Variants in TTC39C observed in about 807,000 individuals in gnomAD.
TTC39C encodes the protein tetratricopeptide repeat protein 39C.
TTC39C carries 33 observed loss-of-function variants against 76.3 expected under a neutral mutation model. That is an observed-to-expected ratio of 0.43 (90% CI 0.33 to 0.58). The LOEUF (loss-of-function observed/expected upper bound fraction) is 0.58. Ranked by LOEUF, TTC39C falls within the 20% of genes least tolerant of loss-of-function variation. The pLI, the probability that TTC39C is intolerant of heterozygous loss-of-function variation, is 0.04. For synonymous variants in TTC39C, 254 were observed against 260.6 expected, an observed-to-expected ratio of 0.97 and a Z score of 0.24; for missense variants, 595 against 701.4, an observed-to-expected ratio of 0.85 and a Z score of 1.71.
intron 6 of TTC39C, among the ~76,000 whole-genome samples, chr18:24,089,232 G>T (rs561963478): frequency 1.3e-5 from 2 of 152,304 alleles, no homozygotes; most frequent in Non-Finnish European, 2.9e-5. Context: ...GAGCTGTTTG[G>T]TGGCTGTGTT....
At chr18:24,053,480 T>G (rs1446328534) in intron 1 of TTC39C, among the ~76,000 whole-genome samples, 1 of 152,230 alleles carries the variant, frequency 6.6e-6, no homozygotes, top group Admixed American at 6.5e-5. Context: ...GAACAGATAT[T>G]CCTTTCTCTG....
intron 6 of TTC39C, among the ~76,000 whole-genome samples, chr18:24,108,113 G>C (rs2084770287): frequency 6.6e-6 from 1 of 152,192 alleles, no homozygotes; most frequent in Non-Finnish European, 1.5e-5. Context: ...TAGAATTAGG[G>C]AACAAGGGAC....
In TTC39C at chr18:24,015,933, G is replaced by A. The variant is rs555528715; in HGVS notation, c.167+895G>A. 2.0e-5 allele frequency among the ~76,000 whole-genome samples: 3 copies of A among 152,272 alleles called. No homozygotes were observed. The East Asian group carries it at 5.8e-4, about 29-fold the overall frequency. On this transcript the variant is annotated intron_variant, in intron 1 of 13. Transcript: ENST00000317571. ...TGTGATTTGCCGTCTGATTGTTGAC[G>A]AGCCTTAAGGACGTTGATTAGCAGC...
intron 9 of TTC39C, among the ~76,000 whole-genome samples, 164 bp from the exon 10 acceptor site, chr18:24,125,263 T>A (rs564624394): frequency 6.4e-4 from 98 of 152,352 alleles, no homozygotes; most frequent in African/African-American, 2.3e-3. Context: ...TGTCAAAAAT[T>A]GAAAGCAACA....
At chr18:24,005,017 A>G (rs890624886) in intron 1 of TTC39C, among the ~76,000 whole-genome samples, 4 of 152,232 alleles carry the variant, frequency 2.6e-5, no homozygotes, top group Non-Finnish European at 5.9e-5. Context: ...CCTTCTAACT[A>G]AGGAATGGTA....
At chr18:23,999,641 C>A (rs1431650809) in intron 1 of TTC39C, among the ~76,000 whole-genome samples, 1 of 152,246 alleles carries the variant, frequency 6.6e-6, no homozygotes, top group Admixed American at 6.5e-5. Flanking sequence ...ATGCCTACGG[C>A]TCCCATAAGG....
At chr18:24,044,230 G>A (rs1216627022) in intron 1 of TTC39C, among the ~76,000 whole-genome samples, 2 of 152,164 alleles carry the variant, frequency 1.3e-5, no homozygotes, top group Non-Finnish European at 2.9e-5. Flanking sequence ...TCGGGAGTCT[G>A]AAGAGGAGAG....
chr18:24,113,795 G>T, intron 6 of TTC39C: 1 of 665,244 alleles, frequency 1.5e-6, no homozygotes, highest in Non-Finnish European at 2.7e-6. Context: ...CATCTTCAGC[G>T]GCGGGAAAAC....
intron 8 of TTC39C, among the ~76,000 whole-genome samples, chr18:24,119,063 A>C (rs2084933631): frequency 6.6e-6 from 1 of 152,186 alleles, no homozygotes; most frequent in Admixed American, 6.5e-5. Context: ...TTTACAGTAT[A>C]ATATTTTAGA....
At chr18:24,030,268 C>T (rs9944693) in intron 1 of TTC39C, among the ~76,000 whole-genome samples, 94 of 152,052 alleles carry the variant, frequency 6.2e-4, no homozygotes, top group African/African-American at 2.1e-3. Context: ...ATTTGTATGA[C>T]GTAAGATAGA....
At chr18:24,044,670 A>G (rs1281217457) in intron 1 of TTC39C, among the ~76,000 whole-genome samples, 3 of 152,222 alleles carry the variant, frequency 2.0e-5, no homozygotes, top group Non-Finnish European at 4.4e-5. Context: ...AAGAGGGGCC[A>G]TCCACTGGAA....
intron 6 of TTC39C, among the ~76,000 whole-genome samples, chr18:24,098,726 G>C (rs997257017): frequency 6.6e-6 from 1 of 151,324 alleles, no homozygotes; most frequent in Non-Finnish European, 1.5e-5. Context: ...TCTGCCTCCC[G>C]GTTCAAGCAA....
intron 10 of TTC39C, among the ~76,000 whole-genome samples, chr18:24,128,485 A>G (rs763388874): frequency 1.3e-5 from 2 of 151,612 alleles, no homozygotes; most frequent in East Asian, 3.9e-4. Flanking sequence ...CAGTATCTTT[A>G]TTAGTCTTTG....
At chr18:24,051,781 T>C (rs2083952894) in intron 1 of TTC39C, among the ~76,000 whole-genome samples, 1 of 152,242 alleles carries the variant, frequency 6.6e-6, no homozygotes, top group South Asian at 2.1e-4. Context: ...GTTCAGGTGA[T>C]GAAGGTCTTC....
chr18:24,045,158 A>G (rs926738449), intron 1 of TTC39C, among the ~76,000 whole-genome samples: 14 of 151,190 alleles, frequency 9.3e-5, no homozygotes, highest in African/African-American at 1.5e-4. Flanking sequence ...AGTCTCAGCT[A>G]TTTGGGAGGC....
At chr18:24,063,264 G>C (rs542802444) in intron 1 of TTC39C, among the ~76,000 whole-genome samples, 10 of 152,088 alleles carry the variant, frequency 6.6e-5, no homozygotes, top group East Asian at 1.9e-4. Flanking sequence ...TGATTACAAG[G>C]GGGGAATGGC....
rs1400919839 is a variant in TTC39C at position 24,014,929 on chromosome 18, G to T, written c.58G>T (p.Ala20Ser). The T allele has an allele frequency of 6.6e-7, 1 of 1,523,978 alleles. No homozygotes were observed. Among genetic ancestry groups the T allele is most frequent in the Non-Finnish European group, 8.8e-7 (1 of 1,135,766 alleles). 94.4% of individuals were successfully genotyped at this position (1,523,978 alleles called of 1,614,324 possible). Residue 20 changes from alanine (A) to serine (S), a missense_variant, in exon 1 of 14, where the codon GCA becomes TCA. By Grantham distance (99) the Ala-to-Ser change is moderately conservative. Transcript: ENST00000317571. ...RRRDDGDSDAAAAAAAPLQDA... is the reference protein window; with the variant it reads ...RRRDDGDSDASAAAAAPLQDA... ...GCGGGACGACGGAGACTCGGACGCG[G>T]CAGCGGCGGCGGCGGCGCCCCTGCA...
chr18:23,994,903 T>A (rs181184869), intron 1 of TTC39C, among the ~76,000 whole-genome samples: 1,750 of 151,812 alleles, frequency 0.012, 30 homozygotes, highest in African/African-American at 0.04. Flanking sequence ...TTCCTTTTTT[T>A]TAAAAAAAAA....
At chr18:24,028,930 T>C (rs1308091948) in intron 1 of TTC39C, among the ~76,000 whole-genome samples, 6 of 151,914 alleles carry the variant, frequency 3.9e-5, no homozygotes, top group Non-Finnish European at 8.8e-5. Context: ...ACCATATTGA[T>C]CAGGCTAGTC....
Sources: allele counts gnomAD v4.1 joint callset (sites outside exome capture counted in the v4.1 genomes callset), GRCh38; gene constraint gnomAD v4.1.1; transcripts MANE v1.5; gene names NCBI Gene and HGNC (gene_info 2026-07-23, HGNC 2026-07-21).